Variants in MGAT4C observed in about 807,000 individuals in gnomAD.
MGAT4C encodes MGAT4 family member C, also known as alpha-1,3-mannosyl-glycoprotein 4-beta-N-acetylglucosaminyltransferase C.
MGAT4C carries 19 observed loss-of-function variants against 40.1 expected under a neutral mutation model. The ratio of observed to expected loss-of-function variants is 0.47; its 90% CI spans 0.33 to 0.70. The LOEUF (loss-of-function observed/expected upper bound fraction) is 0.70. Ranked by LOEUF, MGAT4C falls within the 30% of genes least tolerant of loss-of-function variation. The probability of loss-of-function intolerance (pLI) is 0.02; values close to 1 mark genes in which losing one functional copy is unlikely to be tolerated. For missense variants in MGAT4C, 491 were observed against 563.2 expected (o/e 0.87, Z 1.30); for synonymous variants, 181 against 187.1 (o/e 0.97, Z 0.27).
intron 2 of MGAT4C, among the ~76,000 whole-genome samples, chr12:86,566,927 T>TA (rs1380192353): frequency 6.6e-6 from 1 of 151,970 alleles, no homozygotes; most frequent in Non-Finnish European, 1.5e-5. Context: ...CCAAAGCAAT[T>TA]ACTTTATGGC....
chr12:86,791,586 C>T (rs894831416), intron 1 of MGAT4C, among the ~76,000 whole-genome samples: 1 of 152,006 alleles, frequency 6.6e-6, no homozygotes, highest in Non-Finnish European at 1.5e-5. Flanking sequence ...TTTTGACACA[C>T]AAATTCTAAT....
At chr12:86,330,168 C>T (rs966348944) in intron 4 of MGAT4C, among the ~76,000 whole-genome samples, 4 of 152,222 alleles carry the variant, frequency 2.6e-5, no homozygotes, top group Middle Eastern at 3.4e-3. Flanking sequence ...ATGTGATATG[C>T]ACTTACTCAT....
chr12:86,480,960 A>T (rs755274339), intron 2 of MGAT4C, among the ~76,000 whole-genome samples: 4 of 151,894 alleles, frequency 2.6e-5, no homozygotes, highest in Non-Finnish European at 4.4e-5. Context: ...TTGAAGTAAA[A>T]CTACCCATAT....
intron 1 of MGAT4C, among the ~76,000 whole-genome samples, chr12:86,786,921 A>T (rs1951939829): frequency 1.3e-5 from 2 of 152,124 alleles, no homozygotes; most frequent in African/African-American, 4.8e-5. Flanking sequence ...AACTGAATTA[A>T]ATCTTCTTTG....
chr12:86,236,357 T>C (rs887332360), intron 1 of MGAT4C, among the ~76,000 whole-genome samples: 1 of 152,038 alleles, frequency 6.6e-6, no homozygotes, highest in African/African-American at 2.4e-5. Flanking sequence ...GCAAAAGATA[T>C]TGCATTTCTG....
At chr12:86,531,413 G>T (rs1958981093) in intron 2 of MGAT4C, among the ~76,000 whole-genome samples, 1 of 151,992 alleles carries the variant, frequency 6.6e-6, no homozygotes, top group Non-Finnish European at 1.5e-5. Flanking sequence ...AGTCTCCTAT[G>T]ACTACCAATT....
chr12:86,540,751 A>C (rs997077014), intron 2 of MGAT4C, among the ~76,000 whole-genome samples: 2 of 152,138 alleles, frequency 1.3e-5, no homozygotes, highest in African/African-American at 4.8e-5. Context: ...AGAGAGAGAG[A>C]GAGAGAGAGA....
At chr12:86,410,724 T>G (rs2136245229) in intron 3 of MGAT4C, among the ~76,000 whole-genome samples, 1 of 152,312 alleles carries the variant, frequency 6.6e-6, no homozygotes, top group African/African-American at 2.4e-5. Context: ...TTTTGGGAAC[T>G]GATAAATGTC....
intron 2 of MGAT4C, among the ~76,000 whole-genome samples, chr12:86,544,807 C>A (rs1959184719): frequency 6.6e-6 from 1 of 151,832 alleles, no homozygotes; most frequent in Non-Finnish European, 1.5e-5. Flanking sequence ...AAATATAGTA[C>A]CTTAGTAGTG....
chr12:86,236,471 G>T (rs1592539071), intron 1 of MGAT4C, among the ~76,000 whole-genome samples: 1 of 151,978 alleles, frequency 6.6e-6, no homozygotes, highest in African/African-American at 2.4e-5. Context: ...TTTATTTCTA[G>T]CAAGGAAGAT....
At chr12:86,257,481 A>G (rs1010918762), upstream of MGAT4C, among the ~76,000 whole-genome samples, 1 of 152,210 alleles carries the variant, frequency 6.6e-6, no homozygotes, top group Non-Finnish European at 1.5e-5. Context: ...CGAACAGTAC[A>G]AGCACCTGGA....
At chr12:86,579,173 G>A (rs149799118) in intron 2 of MGAT4C, among the ~76,000 whole-genome samples, 2,177 of 151,508 alleles carry the variant, frequency 0.014, 20 homozygotes, top group Non-Finnish European at 0.019. Flanking sequence ...TGATAAGTAG[G>A]GACTCTGGTC....
intron 2 of MGAT4C, among the ~76,000 whole-genome samples, chr12:86,510,633 G>A (rs897760029): frequency 1.3e-5 from 2 of 152,064 alleles, no homozygotes; most frequent in Admixed American, 6.6e-5. Flanking sequence ...TCAAAATAAA[G>A]GGATGGAGGA....
chr12:86,115,106 T>C (rs2135661357), intron 1 of MGAT4C, among the ~76,000 whole-genome samples: 1 of 152,120 alleles, frequency 6.6e-6, no homozygotes, highest in South Asian at 2.1e-4. Context: ...TCGGTACCAT[T>C]TCTTTGGGTA....
chr12:86,543,911 C>G (rs1048197244), intron 2 of MGAT4C, among the ~76,000 whole-genome samples: 1 of 152,120 alleles, frequency 6.6e-6, no homozygotes, highest in East Asian at 1.9e-4. Flanking sequence ...ACATACCACG[C>G]AGCTGGCCCA....
At chr12:86,172,388 T>C (rs1207455338) in intron 1 of MGAT4C, among the ~76,000 whole-genome samples, 3 of 152,196 alleles carry the variant, frequency 2.0e-5, no homozygotes, top group Non-Finnish European at 4.4e-5. Context: ...CAATAAAATT[T>C]CTATATTTTT....
rs753911706 is a variant in MGAT4C, at chr12:86,583,148, CA to C, written c.-229+144060del. 1.1e-3 allele frequency among the ~76,000 whole-genome samples: 160 copies of C among 151,168 alleles called. 1 individual carries two copies. Among genetic ancestry groups the C allele is most frequent in the Admixed American group, 1.4e-3 (21 of 15,100 alleles). On this transcript the variant is annotated intron_variant, in intron 2 of 7. Transcript: ENST00000548651. Reference sequence around the variant, plus strand: ...GAATATTTTCTCTGAAAGAAGTTTTCAGAAAGTTTGTGTGTTAAATAGCTTT... The same window carrying C: ...GAATATTTTCTCTGAAAGAAGTTTTCGAAAGTTTGTGTGTTAAATAGCTTT...
chr12:86,490,970 C>T (rs1180510243), intron 2 of MGAT4C, among the ~76,000 whole-genome samples: 2 of 151,964 alleles, frequency 1.3e-5, no homozygotes, highest in Non-Finnish European at 2.9e-5. Flanking sequence ...AATGGGAGAC[C>T]TTAACACCCC....
chr12:86,557,105 A>C (rs962485510), intron 2 of MGAT4C, among the ~76,000 whole-genome samples: 3 of 152,206 alleles, frequency 2.0e-5, no homozygotes, highest in Admixed American at 2.0e-4. Context: ...TTTTATAGAA[A>C]TAAGGTATAC....
Sources: gnomAD v4.1 joint callset for allele counts (sites outside exome capture counted in the v4.1 genomes callset) on GRCh38, gnomAD v4.1.1 for gene constraint, MANE v1.5 for transcripts, NCBI Gene and HGNC (gene_info 2026-07-23, HGNC 2026-07-21) for gene names.